RBFOX1: variants seen among roughly 807,000 people sequenced by gnomAD.
RBFOX1 encodes the protein RNA binding protein fox-1 homolog 1.
Under a neutral mutation model 57.7 loss-of-function variants are expected in RBFOX1, and 8 were observed. The observed-to-expected ratio is 0.14, with a 90% CI of 0.08 to 0.25. The LOEUF (loss-of-function observed/expected upper bound fraction) is 0.25. Among genes scored for constraint, RBFOX1 ranks in the 10% least tolerant of loss-of-function variants. The pLI is 1.00. For missense variants in RBFOX1, 611 were observed against 548.5 expected (o/e 1.11, Z -1.14); for synonymous variants, 326 against 222.4 (o/e 1.47, Z -4.15).
intron 3 of RBFOX1, among the ~76,000 whole-genome samples, chr16:6,954,511 A>T (rs561223027): frequency 2.6e-4 from 39 of 152,298 alleles, no homozygotes; most frequent in African/African-American, 9.1e-4. Context: ...TTTAATAAAA[A>T]GGGGGTAGTT....
chr16:5,978,128 CAAAAAAAAAAAAAAA>C (rs140908065), intron 4 of RBFOX1, among the ~76,000 whole-genome samples: 396 of 31,550 alleles, frequency 0.013, 8 homozygotes, highest in African/African-American at 0.05. Flanking sequence ...CTGTCTCTTC[CAAAAAAAAAAAAAAA>C]AAAAAAAAAA....
chr16:6,897,975 G>T (rs887384851), intron 3 of RBFOX1, among the ~76,000 whole-genome samples: 2 of 152,170 alleles, frequency 1.3e-5, no homozygotes, highest in Non-Finnish European at 2.9e-5. Context: ...GGTAACTTAA[G>T]GTCTGTAACT....
intron 9 of RBFOX1, among the ~76,000 whole-genome samples, chr16:7,602,613 G>A (rs1196137117): frequency 6.6e-6 from 1 of 152,202 alleles, no homozygotes; most frequent in Non-Finnish European, 1.5e-5. Context: ...TCAGGTACGA[G>A]GAGGAGTCAC....
At chr16:5,976,059 G>A (rs2060055740) in intron 4 of RBFOX1, among the ~76,000 whole-genome samples, 2 of 152,078 alleles carry the variant, frequency 1.3e-5, no homozygotes, top group Admixed American at 1.3e-4. Context: ...CAAGAGAATT[G>A]CTTGAACCTG....
At chr16:6,720,700 G>A (rs1040526392) in intron 3 of RBFOX1, among the ~76,000 whole-genome samples, 1 of 152,196 alleles carries the variant, frequency 6.6e-6, no homozygotes, top group Non-Finnish European at 1.5e-5. Flanking sequence ...AGACCAGGGT[G>A]GTGGGTCAGC....
At chr16:5,786,500 G>A (rs959140898) in intron 3 of RBFOX1, among the ~76,000 whole-genome samples, 12 of 152,152 alleles carry the variant, frequency 7.9e-5, no homozygotes, top group Non-Finnish European at 1.3e-4. Context: ...GAGATGTGCC[G>A]TGTGTCAGGG....
chr16:6,062,206 C>T (rs1402700417), intron 1 of RBFOX1, among the ~76,000 whole-genome samples: 4 of 152,152 alleles, frequency 2.6e-5, no homozygotes, highest in African/African-American at 9.7e-5. Flanking sequence ...GCTCTCTGAA[C>T]TGTCCTTTCA....
intron 3 of RBFOX1, among the ~76,000 whole-genome samples, chr16:6,799,756 G>T (rs2084929278): frequency 6.6e-6 from 1 of 152,058 alleles, no homozygotes; most frequent in Non-Finnish European, 1.5e-5. Flanking sequence ...TCAGCCTCCA[G>T]GTTCTTTAGC....
chr16:7,424,885 C>T lies in RBFOX1; in HGVS notation c.28-93262C>T, dbSNP rs188823776. Reference sequence around the variant, plus strand: ...GTTATTTTGACTGAATGACCCCCTACTGAGGTAAAATTTGGAGCAGAATAT... The same window carrying T: ...GTTATTTTGACTGAATGACCCCCTATTGAGGTAAAATTTGGAGCAGAATAT... On this transcript the variant is annotated intron_variant, in intron 4 of 15. Coordinates refer to ENST00000550418, the MANE Select transcript of RBFOX1 (RefSeq NM_018723.4). Among the ~76,000 whole-genome samples, 386 of 152,214 alleles carry T rather than the reference C, an allele frequency of 2.5e-3. 5 individuals carry two copies. Among genetic ancestry groups the T allele is most frequent in the Non-Finnish European group, 6.9e-4 (47 of 68,022 alleles).
At chr16:5,974,740 G>T (rs1419508604) in intron 4 of RBFOX1, among the ~76,000 whole-genome samples, 1 of 152,196 alleles carries the variant, frequency 6.6e-6, no homozygotes, top group Non-Finnish European at 1.5e-5. Context: ...CAGGCGCAGT[G>T]GCTCACGTCT....
chr16:7,080,587 C>T (rs77671871), intron 4 of RBFOX1, among the ~76,000 whole-genome samples: 1,528 of 152,234 alleles, frequency 0.01, 31 homozygotes, highest in African/African-American at 0.035. Flanking sequence ...CAGCAATTTG[C>T]TCTCTGGGTA....
chr16:6,501,776 C>G (rs1272972610), intron 2 of RBFOX1, among the ~76,000 whole-genome samples: 4 of 152,066 alleles, frequency 2.6e-5, no homozygotes, highest in African/African-American at 9.7e-5. Context: ...CTTTTCTAAA[C>G]TGCTAAAATG....
chr16:6,060,128 T>TGTTTTTTTG (rs1301434374), intron 1 of RBFOX1, among the ~76,000 whole-genome samples: 3 of 11,094 alleles, frequency 2.7e-4, no homozygotes, highest in South Asian at 3.6e-3. Context: ...TAGGGTTTTT[T>TGTTTTTTTG]TTTTTTTTTT....
chr16:6,925,419 C>A (rs775753790), intron 3 of RBFOX1, among the ~76,000 whole-genome samples: 1 of 151,458 alleles, frequency 6.6e-6, no homozygotes, highest in African/African-American at 2.4e-5. Context: ...GCCACTGCAC[C>A]CAGCCTATCC....
intron 3 of RBFOX1, among the ~76,000 whole-genome samples, chr16:6,958,381 G>A (rs865959849): frequency 1.1e-4 from 16 of 152,110 alleles, no homozygotes; most frequent in South Asian, 8.3e-4. Flanking sequence ...GAAAAGAGAT[G>A]GAGTCAGCAT....
chr16:7,046,720 C>G (rs745954576), intron 3 of RBFOX1, among the ~76,000 whole-genome samples: 11 of 150,628 alleles, frequency 7.3e-5, no homozygotes, highest in Non-Finnish European at 1.6e-4. Context: ...ATTCTCCTGC[C>G]TCAGCCTCCC....
intron 4 of RBFOX1, among the ~76,000 whole-genome samples, chr16:5,922,929 AGGGGGAAGTGAT>A (rs1025043101): frequency 7.2e-5 from 11 of 152,148 alleles, no homozygotes; most frequent in African/African-American, 2.7e-4. Context: ...CCCACACTTG[AGGGGGAAGTGAT>A]GGGCTCTTCC....
At chr16:6,807,112 G>A (rs1250333216) in intron 3 of RBFOX1, among the ~76,000 whole-genome samples, 1 of 151,778 alleles carries the variant, frequency 6.6e-6, no homozygotes, top group Admixed American at 6.6e-5. Flanking sequence ...GGGATTACAG[G>A]TGTAAGCCAC....
At chr16:7,647,162 T>G (rs1057404274) in intron 11 of RBFOX1, among the ~76,000 whole-genome samples, 1 of 152,148 alleles carries the variant, frequency 6.6e-6, no homozygotes, top group African/African-American at 2.4e-5. Context: ...ACTGAGATGG[T>G]TACTCTACTA....
Sources: gnomAD v4.1 joint callset for allele counts (sites outside exome capture counted in the v4.1 genomes callset) on GRCh38, gnomAD v4.1.1 for gene constraint, MANE v1.5 for transcripts, NCBI Gene and HGNC (gene_info 2026-07-23, HGNC 2026-07-21) for gene names.